The following TRPC1 variants were observed in gnomAD, a reference collection of about 807,000 sequenced individuals.
TRPC1 encodes short transient receptor potential channel 1.
TRPC1 carries 42 observed loss-of-function variants against 88.2 expected under a neutral mutation model. The ratio of observed to expected loss-of-function variants is 0.48; its 90% CI spans 0.37 to 0.62. The LOEUF (loss-of-function observed/expected upper bound fraction) is 0.62. Ranked by LOEUF, TRPC1 falls within the 20% of genes least tolerant of loss-of-function variation. TRPC1 has a pLI of 0.00. For missense variants in TRPC1, 699 were observed against 957.3 expected (o/e 0.73, Z 3.56); for synonymous variants, 288 against 331.8 (o/e 0.87, Z 1.43).
chr3:142,750,886 G>C (rs1021821208), intron 4 of TRPC1, among the ~76,000 whole-genome samples: 2 of 152,050 alleles, frequency 1.3e-5, no homozygotes, highest in Non-Finnish European at 2.9e-5. Context: ...ACCATGGCAC[G>C]TGTATACCTA....
chr3:142,804,873 G>A (rs992274019), intron 12 of TRPC1, among the ~76,000 whole-genome samples: 1 of 152,092 alleles, frequency 6.6e-6, no homozygotes, highest in African/African-American at 2.4e-5. Flanking sequence ...TTGGGAGGCT[G>A]AGGCAAGCAC....
At chr3:142,785,181 C>T (rs1936092324) in intron 7 of TRPC1, 141 bp downstream of exon 7, 1 of 652,614 alleles carries the variant, frequency 1.5e-6, no homozygotes, top group Non-Finnish European at 2.5e-6. Context: ...TCCATGATCA[C>T]TGAAGACTTA....
At position 142,724,872 on chromosome 3, in the gene TRPC1, T is replaced by G; in HGVS notation, c.172+141T>G. The G allele has an allele frequency of 9.9e-7, 1 of 1,006,802 alleles. No individual in the cohort carries two copies. The highest frequency in any genetic ancestry group is 1.4e-6 in the Non-Finnish European group (1 of 736,744). 62.4% of individuals were successfully genotyped at this position (1,006,802 alleles called of 1,614,324 possible). On this transcript the variant is annotated intron_variant, in intron 1 of 12. Coordinates refer to ENST00000476941, the MANE Select transcript of TRPC1 (RefSeq NM_001251845.2). This position sits in a 1 kb window ranked among gnomAD's most constrained non-coding sequence, Gnocchi z 5.6. ...CCGCCTCGCCTGCTGCCTCAGGCGG[T>G]CTTCTCCTCACCGCCTCTGCCCTGT...
At position 142,806,067 on chromosome 3, in the gene TRPC1, A is replaced by G. The variant is rs1319086361; in HGVS notation, c.2214A>G (p.Leu738=). The stretch of plus-strand genomic sequence containing the variant: ...ACTATCAAAAAGTGATGTGCTGCCT[A>G]GTGCATCGTTACTTGACTTCCATGA... ...DENYQKVMCC[L]VHRYLTSMRQ... The change falls in exon 13 of 13, where the codon CTA becomes CTG. Residue 738 remains leucine, a synonymous_variant. Coordinates refer to ENST00000476941, the MANE Select transcript of TRPC1 (RefSeq NM_001251845.2). The G allele has an allele frequency of 3.1e-6, 5 of 1,613,988 alleles. No homozygotes were observed. The highest frequency in any genetic ancestry group is 3.4e-6 in the Non-Finnish European group (4 of 1,179,914).
intron 1 of TRPC1, among the ~76,000 whole-genome samples, chr3:142,725,331 C>T (rs1393049397): frequency 6.6e-6 from 1 of 152,164 alleles, no homozygotes; most frequent in East Asian, 1.9e-4. Context: ...GAAATTCTGC[C>T]TTAGTTGCCA....
At chr3:142,789,133 T>C (rs902927440) in intron 7 of TRPC1, among the ~76,000 whole-genome samples, 4 of 152,168 alleles carry the variant, frequency 2.6e-5, no homozygotes, top group African/African-American at 7.2e-5. Context: ...TGTTTGAAGA[T>C]GTTTCATAAA....
chr3:142,727,074 A>C (rs192104257), intron 1 of TRPC1, among the ~76,000 whole-genome samples: 5 of 152,236 alleles, frequency 3.3e-5, no homozygotes, highest in Admixed American at 3.3e-4. Context: ...TAGGTGAATG[A>C]GTGAACATCA....
chr3:142,748,499 T>C lies in TRPC1; in HGVS notation c.632+39T>C, dbSNP rs767697379. The C allele has an allele frequency of 5.7e-6, 9 of 1,581,694 alleles. No homozygotes were observed. The Middle Eastern group carries it at 5.0e-4, about 88-fold the overall frequency. On this transcript the variant is annotated intron_variant, in intron 4 of 12. Coordinates refer to ENST00000476941, the MANE Select transcript of TRPC1 (RefSeq NM_001251845.2). Reference sequence around the variant, plus strand: ...ACTTTTGATAAATAGATGTGTGATATATATCAACAATGTTGATTTTTAAAA... The same window carrying C: ...ACTTTTGATAAATAGATGTGTGATACATATCAACAATGTTGATTTTTAAAA...
At chr3:142,768,944 G>A (rs936127698) in intron 4 of TRPC1, among the ~76,000 whole-genome samples, 1 of 151,914 alleles carries the variant, frequency 6.6e-6, no homozygotes, top group Non-Finnish European at 1.5e-5. Context: ...TCTTAGAAAT[G>A]CAAGAAAAAA....
chr3:142,796,702 T>C (rs928394985), intron 9 of TRPC1, among the ~76,000 whole-genome samples: 5 of 152,078 alleles, frequency 3.3e-5, no homozygotes, highest in African/African-American at 1.2e-4. Context: ...AACAACACAG[T>C]ATCTGTGGAG....
chr3:142,774,759 A>G (rs1440009988), intron 4 of TRPC1, among the ~76,000 whole-genome samples: 3 of 151,542 alleles, frequency 2.0e-5, no homozygotes, highest in East Asian at 3.9e-4. Flanking sequence ...TCATACTGTT[A>G]TTATTTTAAT....
rs1442790632 is a variant in TRPC1, at chr3:142,724,298, GC to G, written c.-260del. On this transcript the variant is annotated 5_prime_UTR_variant, in exon 1 of 13. Coordinates refer to ENST00000476941, the MANE Select transcript of TRPC1 (RefSeq NM_001251845.2). This position sits in a 1 kb window ranked among gnomAD's most constrained non-coding sequence, Gnocchi z 5.6. ...CCCCGGACGGGCGCGGACCGGCTCG[GC>G]CGGGGCGCCGGCGGCTGGGGAGGGG... 4 of 229,090 alleles carry G rather than the reference GC, an allele frequency of 1.7e-5. No individual in the cohort carries two copies. Among genetic ancestry groups the G allele is most frequent in the African/African-American group, 9.2e-5 (4 of 43,696 alleles). 14.2% of individuals were successfully genotyped at this position (229,090 alleles called of 1,614,324 possible).
In TRPC1 at chr3:142,807,602, T is replaced by C. The variant is rs907923530; in HGVS notation, c.*1367T>C. On this transcript the variant is annotated 3_prime_UTR_variant, in exon 13 of 13. Transcript: ENST00000476941. ...ACTATTGTTTGTTTCATCTTGCTTT[T>C]GCATTTTTATTTTTTAATTTCCAAA... is the stretch of plus-strand genomic sequence containing the variant. 6.6e-6 allele frequency: 1 copy of C among 152,222 alleles called. No homozygotes were observed. The highest frequency in any genetic ancestry group is 2.4e-5 in the African/African-American group (1 of 41,466). The allele number at this position is 152,222 out of a possible 1,614,324, so 9.4% of individuals were successfully genotyped here. A position where few individuals can be genotyped will look rare whatever the true frequency, so the allele number is the denominator to read the frequency against.
At chr3:142,762,624 T>TC (rs1170397693) in intron 4 of TRPC1, among the ~76,000 whole-genome samples, 2 of 151,814 alleles carry the variant, frequency 1.3e-5, no homozygotes, top group Non-Finnish European at 2.9e-5. Context: ...AAATGGGGTT[T>TC]CACCATGTTG....
chr3:142,783,503 A>T (rs759222241), intron 6 of TRPC1, among the ~76,000 whole-genome samples: 3 of 152,216 alleles, frequency 2.0e-5, no homozygotes, highest in African/African-American at 7.2e-5. Context: ...ACATCATTTC[A>T]TTCATGTGGA....
chr3:142,806,372 C>CT lies in TRPC1; in HGVS notation c.*137_*138insT. 5.3e-6 allele frequency: 4 copies of CT among 751,004 alleles called. No homozygotes were observed. The highest frequency in any genetic ancestry group is 8.3e-6 in the Non-Finnish European group (4 of 480,142). The allele number at this position is 751,004 out of a possible 1,614,324, so 46.5% of individuals were successfully genotyped here. A position where few individuals can be genotyped will look rare whatever the true frequency, so the allele number is the denominator to read the frequency against. The stretch of plus-strand genomic sequence containing the variant: ...AAGCCATTCTTTAAAATATTTATAG[C>CT]ATAAATATATGTTATGTAAAGTGTG... On this transcript the variant is annotated 3_prime_UTR_variant, in exon 13 of 13. Transcript: ENST00000476941.
intron 11 of TRPC1, 110 bp from the exon 12 acceptor site, chr3:142,804,326 A>T: frequency 8.6e-7 from 1 of 1,162,610 alleles, no homozygotes; most frequent in Non-Finnish European, 1.2e-6. Flanking sequence ...TAAGTAATGT[A>T]TAATAATTGC....
In TRPC1 at chr3:142,806,238, A is replaced by C; in HGVS notation, c.*3A>C. 6.3e-7 allele frequency: 1 copy of C among 1,595,516 alleles called. No individual in the cohort carries two copies. Among genetic ancestry groups the C allele is most frequent in the Non-Finnish European group, 8.6e-7 (1 of 1,166,398 alleles). ...CTATGTTTTATCCAAGAAATTAACC[A>C]TTTTCTAAATCATGGAGCGAATAAT... On this transcript the variant is annotated 3_prime_UTR_variant, in exon 13 of 13. Coordinates refer to ENST00000476941, the MANE Select transcript of TRPC1 (RefSeq NM_001251845.2).
chr3:142,794,745 C>T (rs1936401767), intron 9 of TRPC1, among the ~76,000 whole-genome samples: 1 of 152,120 alleles, frequency 6.6e-6, no homozygotes, highest in South Asian at 2.1e-4. Context: ...AAAGAACCAT[C>T]TCATCCGACG....
Sources: gnomAD v4.1 joint callset for allele counts (sites outside exome capture counted in the v4.1 genomes callset) on GRCh38, gnomAD v4.1.1 for gene constraint, Gnocchi (gnomAD v3.1) non-coding constraint, MANE v1.5 for transcripts, NCBI Gene and HGNC (gene_info 2026-07-23, HGNC 2026-07-21) for gene names.